PRKCQ: variants seen among roughly 807,000 people sequenced by gnomAD.
The protein encoded by PRKCQ is protein kinase C theta type.
Under a neutral mutation model 91.2 loss-of-function variants are expected in PRKCQ, and 41 were observed. The ratio of observed to expected loss-of-function variants is 0.45; its 90% CI spans 0.35 to 0.58. The LOEUF (loss-of-function observed/expected upper bound fraction) is 0.58, where lower values mean the gene tolerates loss of function less well. Ranked by LOEUF, PRKCQ falls within the 20% of genes least tolerant of loss-of-function variation. The pLI, the probability that PRKCQ is intolerant of heterozygous loss-of-function variation, is 0.00. For missense variants in PRKCQ, 673 were observed against 896.5 expected, an observed-to-expected ratio of 0.75 and a Z score of 3.18; for synonymous variants, 307 against 316.9, an observed-to-expected ratio of 0.97 and a Z score of 0.33.
intron 11 of PRKCQ, among the ~76,000 whole-genome samples, chr10:6,480,935 T>C (rs1397781900): frequency 6.6e-6 from 1 of 152,178 alleles, no homozygotes; most frequent in East Asian, 1.9e-4. Flanking sequence ...TTTGTTTTCT[T>C]AGGCTTAAAA....
chr10:6,498,358 T>A, intron 5 of PRKCQ, 38 bp downstream of exon 5: 1 of 1,607,380 alleles, frequency 6.2e-7, no homozygotes. Context: ...ACAAAATGCA[T>A]AACCCGAAGC....
chr10:6,433,031 C>G (rs1412498716), intron 16 of PRKCQ, among the ~76,000 whole-genome samples: 1 of 152,202 alleles, frequency 6.6e-6, no homozygotes, highest in Non-Finnish European at 1.5e-5. Flanking sequence ...AAGTCATATT[C>G]AGGATTGATC....
At chr10:6,559,053 C>G (rs1429088926) in intron 1 of PRKCQ, among the ~76,000 whole-genome samples, 1 of 152,168 alleles carries the variant, frequency 6.6e-6, no homozygotes, top group East Asian at 1.9e-4. Context: ...TCTTGGGGTT[C>G]TTTCTACTCA....
chr10:6,480,118 C>T (rs780189201), intron 11 of PRKCQ, among the ~76,000 whole-genome samples: 1 of 152,062 alleles, frequency 6.6e-6, no homozygotes, highest in African/African-American at 2.4e-5. Context: ...GATTTAACTC[C>T]GAAGTTTACT....
At position 6,514,890 on chromosome 10, in the gene PRKCQ, A is replaced by T. The variant is rs948903707; in HGVS notation, c.118+128T>A. 2.7e-6 allele frequency: 4 copies of T among 1,464,976 alleles called. No homozygotes were observed. The African/African-American group carries it at 4.2e-5, about 16-fold the overall frequency. 90.7% of individuals were successfully genotyped at this position (1,464,976 alleles called of 1,614,324 possible). On this transcript the variant is annotated intron_variant, in intron 2 of 17. Coordinates refer to ENST00000263125, the MANE Select transcript of PRKCQ (RefSeq NM_006257.5). ...GAAGTCCTTGGCTTTGCTGGGCATCAGCGTCCTAAATGGCAGGATTTGGTT... is the reference window on the plus strand; with the variant it reads ...GAAGTCCTTGGCTTTGCTGGGCATCTGCGTCCTAAATGGCAGGATTTGGTT...
At chr10:6,564,994 CCTCTGA>C (rs1442395998) in intron 1 of PRKCQ, among the ~76,000 whole-genome samples, 3 of 152,254 alleles carry the variant, frequency 2.0e-5, no homozygotes, top group Admixed American at 6.5e-5. Flanking sequence ...AAAATGTAAT[CCTCTGA>C]CTCTATCTTG....
intron 8 of PRKCQ, among the ~76,000 whole-genome samples, chr10:6,488,301 C>T (rs973541413): frequency 1.4e-4 from 21 of 152,100 alleles, no homozygotes; most frequent in Admixed American, 3.9e-4. Context: ...TTTGGGCAAC[C>T]CTCACCTGTA....
rs1003631056 is a variant in PRKCQ at position 6,524,424 on chromosome 10, C to T, written c.-9-9280G>A. 2.0e-5 allele frequency among the ~76,000 whole-genome samples: 3 copies of T among 152,236 alleles called. No individual in the cohort carries two copies. The South Asian group carries it at 6.2e-4, about 32-fold the overall frequency. ...GGAGGGCCTGAATTCAAACTCAGGC[C>T]TCAGATTTCAGTCCCTTTCCACAGC... On this transcript the variant is annotated intron_variant, in intron 1 of 17. Transcript: ENST00000263125.
intron 1 of PRKCQ, among the ~76,000 whole-genome samples, chr10:6,560,503 A>G (rs1763811723): frequency 6.6e-6 from 1 of 152,154 alleles, no homozygotes; most frequent in Non-Finnish European, 1.5e-5. Flanking sequence ...TCAGGACAAA[A>G]TGAACCCGTA....
At position 6,486,077 on chromosome 10, in the gene PRKCQ, C is replaced by T. The variant is rs752361098; in HGVS notation, c.858G>A (p.Lys286=). 1.9e-6 allele frequency: 3 copies of T among 1,614,158 alleles called. No homozygotes were observed. The highest frequency in any genetic ancestry group is 4.5e-5 in the East Asian group (2 of 44,882). ...KVANLCGINQ[K]LMAEALAMIE... ...TCATGGCCAGCGCTTCAGCCATTAG[C>T]TTCTGGTTTATGCCACAAAGGTTGG... Residue 286 remains lysine (K), a synonymous_variant, in exon 9 of 18, where the codon AAG becomes AAA. Coordinates refer to ENST00000263125, the MANE Select transcript of PRKCQ (RefSeq NM_006257.5).
At chr10:6,555,397 T>C (rs1271248508) in intron 1 of PRKCQ, among the ~76,000 whole-genome samples, 1 of 152,184 alleles carries the variant, frequency 6.6e-6, no homozygotes, top group Non-Finnish European at 1.5e-5. Flanking sequence ...TCTTCCTAAA[T>C]GATGCGTACA....
At chr10:6,578,624 T>C (rs1181277020) in intron 1 of PRKCQ, among the ~76,000 whole-genome samples, 2 of 152,206 alleles carry the variant, frequency 1.3e-5, no homozygotes, top group Admixed American at 6.5e-5. Context: ...TTTAAATATA[T>C]GTATGTTCAA....
intron 11 of PRKCQ, among the ~76,000 whole-genome samples, chr10:6,479,555 A>G (rs1028598467): frequency 4.6e-5 from 7 of 152,158 alleles, no homozygotes; most frequent in Non-Finnish European, 7.4e-5. Context: ...GCAAGTGCAC[A>G]TAAATCCTAG....
intron 1 of PRKCQ, among the ~76,000 whole-genome samples, chr10:6,574,593 A>G (rs1841159828): frequency 6.6e-6 from 1 of 152,200 alleles, no homozygotes; most frequent in Non-Finnish European, 1.5e-5. Flanking sequence ...ACACTGGCAC[A>G]TGCTCCTTTC....
intron 2 of PRKCQ, 133 bp downstream of exon 2, chr10:6,514,885 G>C (rs923445175): frequency 7.0e-7 from 1 of 1,436,914 alleles, no homozygotes; most frequent in South Asian, 1.2e-5. Flanking sequence ...GCTTTGCTGG[G>C]CATCAGCGTC....
At chr10:6,580,398 C>G (rs1841436390), upstream of PRKCQ, 1 of 151,836 alleles carries the variant, frequency 6.6e-6, no homozygotes, top group Admixed American at 6.6e-5. Context: ...TCCCCGCCAG[C>G]CCGGCCTCCC....
At chr10:6,451,004 A>G (rs1282830794) in intron 15 of PRKCQ, among the ~76,000 whole-genome samples, 6 of 152,126 alleles carry the variant, frequency 3.9e-5, no homozygotes, top group Non-Finnish European at 8.8e-5. Context: ...CCCTAACATC[A>G]CAATTAAAAG....
At chr10:6,472,999 C>T (rs1386758935) in intron 12 of PRKCQ, among the ~76,000 whole-genome samples, 1 of 152,238 alleles carries the variant, frequency 6.6e-6, no homozygotes, top group Admixed American at 6.5e-5. Flanking sequence ...AGGTGTGAGC[C>T]ACCGTGCCTG....
At chr10:6,449,169 A>G (rs1266862549) in intron 15 of PRKCQ, among the ~76,000 whole-genome samples, 1 of 151,032 alleles carries the variant, frequency 6.6e-6, no homozygotes, top group African/African-American at 2.4e-5. Context: ...AAAGGCAAAG[A>G]AGTTGAAAAC....
Sources: allele counts gnomAD v4.1 joint callset (sites outside exome capture counted in the v4.1 genomes callset), GRCh38; gene constraint gnomAD v4.1.1; transcripts MANE v1.5; gene names NCBI Gene and HGNC (gene_info 2026-07-23, HGNC 2026-07-21).